The following PIP4K2A variants were observed in gnomAD, a reference collection of about 807,000 sequenced individuals.
PIP4K2A encodes phosphatidylinositol 5-phosphate 4-kinase type-2 alpha.
Under a neutral mutation model 42.9 loss-of-function variants are expected in PIP4K2A, and 14 were observed. That is an observed-to-expected ratio of 0.33 (90% CI 0.22 to 0.51). The LOEUF (loss-of-function observed/expected upper bound fraction) is 0.51. Among genes scored for constraint, PIP4K2A ranks in the 20% least tolerant of loss-of-function variants. The pLI is 0.97. For synonymous variants in PIP4K2A, 192 were observed against 192.2 expected (o/e 1.00, Z 0.01); for missense variants, 434 against 519.8 (o/e 0.83, Z 1.61).
chr10:22,595,468 T>A (rs571441474), intron 3 of PIP4K2A, among the ~76,000 whole-genome samples: 1 of 152,216 alleles, frequency 6.6e-6, no homozygotes, highest in Non-Finnish European at 1.5e-5. Context: ...AGCAGACATG[T>A]GTTTTTAAAG....
chr10:22,590,992 C>T (rs996065380), intron 4 of PIP4K2A, among the ~76,000 whole-genome samples: 6 of 152,192 alleles, frequency 3.9e-5, no homozygotes, highest in South Asian at 2.1e-4. Context: ...CCTCTCACAG[C>T]GCGGGCTGGG....
At chr10:22,550,980 C>G (rs1380629030) in intron 6 of PIP4K2A, among the ~76,000 whole-genome samples, 1 of 152,168 alleles carries the variant, frequency 6.6e-6, no homozygotes, top group South Asian at 2.1e-4. Flanking sequence ...TGGAAGCATT[C>G]GCAAGAGCAG....
chr10:22,539,707 G>A (rs897629062), intron 9 of PIP4K2A: 2 of 387,454 alleles, frequency 5.2e-6, no homozygotes, highest in African/African-American at 4.1e-5. Context: ...GGAAGCCACA[G>A]GGAGCTGTGG....
intron 1 of PIP4K2A, among the ~76,000 whole-genome samples, chr10:22,688,655 G>A (rs1485218254): frequency 6.6e-5 from 10 of 151,962 alleles, no homozygotes; most frequent in Non-Finnish European, 1.3e-4. Context: ...GTCCTGCTAC[G>A]TTGCCTAGGC....
intron 1 of PIP4K2A, 54 bp downstream of exon 1, chr10:22,714,129 G>T: frequency 4.6e-6 from 7 of 1,523,376 alleles, no homozygotes; most frequent in Non-Finnish European, 6.2e-6. Context: ...GGAGGGGAAC[G>T]AGGAGGAAGA....
chr10:22,690,600 C>A (rs986580585), intron 1 of PIP4K2A, among the ~76,000 whole-genome samples: 1 of 152,042 alleles, frequency 6.6e-6, no homozygotes, highest in African/African-American at 2.4e-5. Flanking sequence ...CTTCAAAGAG[C>A]ACAAATACCA....
chr10:22,553,447 C>T (rs762533671), intron 6 of PIP4K2A, among the ~76,000 whole-genome samples: 11 of 152,200 alleles, frequency 7.2e-5, no homozygotes, highest in Non-Finnish European at 1.6e-4. Context: ...CACGCAGCAG[C>T]CTTAGGTAAC....
rs553164687 is a variant in PIP4K2A, at chr10:22,596,050, A to G, written c.340-4269T>C. 6.6e-5 allele frequency among the ~76,000 whole-genome samples: 10 copies of G among 151,058 alleles called. No individual in the cohort carries two copies. In the South Asian group the frequency reaches 1.0e-3, roughly 16 times the overall value. ...GAGAAGCCCCGTCTCTACTAAAAAT[A>G]CAAAATTATGCAGGCGTGGTGGGGC... On this transcript the variant is annotated intron_variant, in intron 3 of 9. Transcript: ENST00000376573.
At chr10:22,578,552 C>T (rs775232966) in intron 4 of PIP4K2A, among the ~76,000 whole-genome samples, 2 of 152,142 alleles carry the variant, frequency 1.3e-5, no homozygotes, top group African/African-American at 4.8e-5. Context: ...TTGGCCAATG[C>T]TTCCTCCTCT....
At chr10:22,655,328 C>G (rs1839078892) in intron 1 of PIP4K2A, among the ~76,000 whole-genome samples, 1 of 152,236 alleles carries the variant, frequency 6.6e-6, no homozygotes, top group Non-Finnish European at 1.5e-5. Context: ...CAGCCATGCA[C>G]AAGATGAGAT....
intron 4 of PIP4K2A, among the ~76,000 whole-genome samples, chr10:22,579,148 T>TA (rs796885026): frequency 2.0e-3 from 301 of 148,538 alleles, no homozygotes; most frequent in African/African-American, 6.3e-3. Flanking sequence ...ATGTTAATCT[T>TA]AAAAAAAAAA....
chr10:22,698,217 G>A (rs1320878766), intron 1 of PIP4K2A, among the ~76,000 whole-genome samples: 2 of 152,134 alleles, frequency 1.3e-5, no homozygotes, highest in African/African-American at 2.4e-5. Context: ...TCAAACTGCT[G>A]AAAATCTCTA....
intron 3 of PIP4K2A, among the ~76,000 whole-genome samples, chr10:22,601,119 C>T (rs796773955): frequency 4.1e-5 from 4 of 96,824 alleles, no homozygotes; most frequent in East Asian, 3.1e-4. Context: ...GGCAACAGAG[C>T]GAGACTGTCT....
At chr10:22,559,301 C>A (rs1836628122) in intron 6 of PIP4K2A, among the ~76,000 whole-genome samples, 2 of 152,178 alleles carry the variant, frequency 1.3e-5, no homozygotes, top group South Asian at 2.1e-4. Context: ...TTTCTAGAAC[C>A]AACTACGAGT....
intron 4 of PIP4K2A, among the ~76,000 whole-genome samples, chr10:22,582,003 C>T (rs1837292435): frequency 6.6e-6 from 1 of 151,134 alleles, no homozygotes; most frequent in African/African-American, 2.4e-5. Context: ...GTATTCCCAG[C>T]TACTTGGGAG....
chr10:22,653,679 T>C (rs1183169701), intron 1 of PIP4K2A, among the ~76,000 whole-genome samples: 1 of 152,086 alleles, frequency 6.6e-6, no homozygotes, highest in African/African-American at 2.4e-5. Context: ...TTCGGGAGGC[T>C]GAGGTGGGTG....
At chr10:22,606,145 C>CAAAAA (rs5783802) in intron 3 of PIP4K2A, among the ~76,000 whole-genome samples, 22 of 140,504 alleles carry the variant, frequency 1.6e-4, no homozygotes, top group Admixed American at 3.6e-4. Flanking sequence ...CAATCTCTAC[C>CAAAAA]AAAAAAAAAA....
chr10:22,704,413 G>A (rs1435728818), intron 1 of PIP4K2A, among the ~76,000 whole-genome samples: 3 of 152,080 alleles, frequency 2.0e-5, no homozygotes, highest in African/African-American at 4.8e-5. Context: ...GGAGATCATC[G>A]CAGGTAAGTT....
rs973639106 is a variant in PIP4K2A, at chr10:22,635,657, G to T, written c.145-25940C>A. ...AACTGATGGGGATCTTCAGTGCCAG[G>T]CCGAGTTCTGTGGGCAGCGAGGAAG... On this transcript the variant is annotated intron_variant, in intron 1 of 9. Transcript: ENST00000376573. Among the ~76,000 whole-genome samples, 3 of 152,196 alleles carry T rather than the reference G, an allele frequency of 2.0e-5. No homozygotes were observed. In the East Asian group the frequency reaches 5.8e-4, roughly 29 times the overall value.
Sources: gnomAD v4.1 joint callset for allele counts (sites outside exome capture counted in the v4.1 genomes callset) on GRCh38, gnomAD v4.1.1 for gene constraint, MANE v1.5 for transcripts, NCBI Gene and HGNC (gene_info 2026-07-23, HGNC 2026-07-21) for gene names.